Variants in SORCS2 observed in about 807,000 individuals in gnomAD.
SORCS2 encodes VPS10 domain-containing receptor SorCS2.
Under a neutral mutation model 141.6 loss-of-function variants are expected in SORCS2, and 100 were observed. The ratio of observed to expected loss-of-function variants is 0.71; its 90% CI spans 0.60 to 0.83. The LOEUF is 0.83. Among genes scored for constraint, SORCS2 ranks in the 40% least tolerant of loss-of-function variants. SORCS2 has a pLI of 0.00. For missense variants in SORCS2, 1,646 were observed against 1,560.2 expected (o/e 1.05, Z -0.93); for synonymous variants, 789 against 676.9 (o/e 1.17, Z -2.57).
chr4:7,661,369 C>A (rs956343154), intron 5 of SORCS2, 131 bp from the exon 6 acceptor site: 1 of 892,670 alleles, frequency 1.1e-6, no homozygotes, highest in African/African-American at 1.7e-5. Flanking sequence ...GTGGTGATGC[C>A]CTCCGGACCC....
intron 2 of SORCS2, among the ~76,000 whole-genome samples, chr4:7,446,711 G>C (rs370166743): frequency 9.2e-5 from 14 of 152,276 alleles, no homozygotes; most frequent in East Asian, 7.7e-4. Context: ...GGCATACAAG[G>C]GGGTGCACCC....
chr4:7,218,156 T>C (rs936828610), intron 1 of SORCS2, among the ~76,000 whole-genome samples: 4 of 152,158 alleles, frequency 2.6e-5, no homozygotes, highest in Non-Finnish European at 4.4e-5. Context: ...GTGGGCGGAC[T>C]TGGCCCGAGT....
At chr4:7,541,842 G>C (rs1712688759) in intron 3 of SORCS2, among the ~76,000 whole-genome samples, 1 of 152,218 alleles carries the variant, frequency 6.6e-6, no homozygotes, top group African/African-American at 2.4e-5. Flanking sequence ...GAAAAACGCA[G>C]ATAGAAACCA....
At chr4:7,499,461 A>T (rs1166386693) in intron 2 of SORCS2, among the ~76,000 whole-genome samples, 2 of 152,212 alleles carry the variant, frequency 1.3e-5, no homozygotes, top group Middle Eastern at 6.8e-3. Context: ...GGCACCAGTG[A>T]GGAAGTGGGC....
intron 1 of SORCS2, among the ~76,000 whole-genome samples, chr4:7,389,923 C>T (rs1349028751): frequency 6.6e-6 from 1 of 152,110 alleles, no homozygotes; most frequent in East Asian, 1.9e-4. Flanking sequence ...GGGGTGCGGG[C>T]CTCCCTCCTG....
intron 2 of SORCS2, chr4:7,431,911 A>G (rs1415714958): frequency 6.6e-6 from 1 of 152,250 alleles, no homozygotes; most frequent in African/African-American, 2.4e-5. Flanking sequence ...ACTCAAGAGG[A>G]GAATTAATCC....
At chr4:7,197,746 C>T (rs1269556765) in intron 1 of SORCS2, among the ~76,000 whole-genome samples, 1 of 152,156 alleles carries the variant, frequency 6.6e-6, no homozygotes, top group African/African-American at 2.4e-5. Flanking sequence ...TCCCGATGGA[C>T]CCCAGATGTG....
chr4:7,693,759 C>T (rs1724407940), intron 11 of SORCS2, among the ~76,000 whole-genome samples: 1 of 152,262 alleles, frequency 6.6e-6, no homozygotes, highest in Non-Finnish European at 1.5e-5. Context: ...GTCTCAGAGC[C>T]AGTTGCAGGC....
intron 3 of SORCS2, among the ~76,000 whole-genome samples, chr4:7,587,080 G>T (rs1277547782): frequency 6.6e-6 from 1 of 152,016 alleles, no homozygotes; most frequent in Non-Finnish European, 1.5e-5. Context: ...CTGGGAGGTA[G>T]GGAGCTCCCT....
At chr4:7,392,529 G>A (rs1195619293) in intron 1 of SORCS2, among the ~76,000 whole-genome samples, 1 of 152,142 alleles carries the variant, frequency 6.6e-6, no homozygotes, top group Non-Finnish European at 1.5e-5. Context: ...GGGGGTTTAG[G>A]GGTGGGTGAG....
intron 1 of SORCS2, among the ~76,000 whole-genome samples, chr4:7,320,813 C>T (rs936131930): frequency 1.3e-5 from 2 of 152,306 alleles, no homozygotes; most frequent in East Asian, 3.9e-4. Context: ...CACACTCGCT[C>T]AGTTCATGCA....
intron 2 of SORCS2, among the ~76,000 whole-genome samples, chr4:7,497,271 C>T (rs1054330648): frequency 3.3e-5 from 5 of 152,236 alleles, no homozygotes; most frequent in Non-Finnish European, 5.9e-5. Context: ...ATGTCTGGGC[C>T]TCCCCTGAGG....
At chr4:7,550,124 ATGTGTGTATGTG>A (rs1174214210) in intron 3 of SORCS2, among the ~76,000 whole-genome samples, 3 of 70,232 alleles carry the variant, frequency 4.3e-5, no homozygotes, top group Admixed American at 1.8e-4. Context: ...GTGTGTGTGT[ATGTGTGTATGTG>A]TGTGTGTGTG....
rs147512629 is a variant in SORCS2, at chr4:7,648,738, G to A, written c.814-5396G>A. On this transcript the variant is annotated intron_variant, in intron 4 of 26. Coordinates refer to ENST00000507866, the MANE Select transcript of SORCS2 (RefSeq NM_020777.3). This position sits in a 1 kb window ranked among gnomAD's most constrained non-coding sequence, Gnocchi z 4.2. ...GACCTGCCATGGTGGAGGAAGAGAGGCTAGAAACCAGGGACAGGCACCAGG... is the reference window on the plus strand; with the variant it reads ...GACCTGCCATGGTGGAGGAAGAGAGACTAGAAACCAGGGACAGGCACCAGG... Among the ~76,000 whole-genome samples the A allele has an allele frequency of 1.2e-4, 19 of 152,266 alleles. No individual in the cohort carries two copies. In the East Asian group the frequency reaches 3.1e-3, roughly 25 times the overall value.
intron 3 of SORCS2, among the ~76,000 whole-genome samples, chr4:7,574,617 A>G (rs1308144056): frequency 6.6e-6 from 1 of 151,160 alleles, no homozygotes; most frequent in Non-Finnish European, 1.5e-5. Flanking sequence ...AGGAGGGAGG[A>G]AGGAAGGAAG....
rs1423924664 is a variant in SORCS2 at position 7,740,433 on chromosome 4, C to T, written c.*169C>T. 6.3e-6 allele frequency: 4 copies of T among 632,764 alleles called. No homozygotes were observed. The highest frequency in any genetic ancestry group is 1.1e-5 in the Non-Finnish European group (4 of 361,592). 39.2% of individuals were successfully genotyped at this position (632,764 alleles called of 1,614,324 possible). On this transcript the variant is annotated 3_prime_UTR_variant, in exon 27 of 27. Coordinates refer to ENST00000507866, the MANE Select transcript of SORCS2 (RefSeq NM_020777.3). ...TGATAAATCCAAGCCCGCCCAGGCCCACGGGGGGCCCACGGGACCCCCCGG... is the reference window on the plus strand; with the variant it reads ...TGATAAATCCAAGCCCGCCCAGGCCTACGGGGGGCCCACGGGACCCCCCGG...
At chr4:7,712,881 C>T (rs370797879) in intron 15 of SORCS2, 28 bp downstream of exon 15, 2 of 1,611,930 alleles carry the variant, frequency 1.2e-6, no homozygotes, top group Non-Finnish European at 1.7e-6. Context: ...TGGGATCGGG[C>T]AGGTGGGGTA....
chr4:7,581,507 A>T (rs2108759081), intron 3 of SORCS2, among the ~76,000 whole-genome samples: 1 of 152,330 alleles, frequency 6.6e-6, no homozygotes, highest in African/African-American at 2.4e-5. Flanking sequence ...TATGTTACGC[A>T]TGTGGCTGCT....
chr4:7,419,080 G>C (rs1560268788), intron 2 of SORCS2, among the ~76,000 whole-genome samples: 1 of 152,224 alleles, frequency 6.6e-6, no homozygotes. Flanking sequence ...CACAAAGATT[G>C]ACCTTTATTC....
Sources: allele counts gnomAD v4.1 joint callset (sites outside exome capture counted in the v4.1 genomes callset), GRCh38; gene constraint gnomAD v4.1.1; non-coding constraint Gnocchi (gnomAD v3.1); transcripts MANE v1.5; gene names NCBI Gene and HGNC (gene_info 2026-07-23, HGNC 2026-07-21).